PRR12: variants seen among roughly 807,000 people sequenced by gnomAD.
PRR12 encodes the protein proline rich 12.
In PRR12, 12 loss-of-function variants were observed where a neutral mutation model predicts 138.0. The ratio of observed to expected loss-of-function variants is 0.09; its 90% CI spans 0.06 to 0.14. PRR12 has a LOEUF of 0.14. Among genes scored for constraint, PRR12 ranks in the 10% least tolerant of loss-of-function variants. PRR12 has a pLI of 1.00. For synonymous variants in PRR12, 1,567 were observed against 1,291.7 expected (o/e 1.21, Z -4.57); for missense variants, 2,692 against 2,861.3 (o/e 0.94, Z 1.35).
chr19:49,604,942 C>G (rs1268235687), intron 6 of PRR12, among the ~76,000 whole-genome samples: 1 of 152,034 alleles, frequency 6.6e-6, no homozygotes, highest in African/African-American at 2.4e-5. Context: ...ACTTCTACCT[C>G]CCTGGTTCAA....
At chr19:49,606,614 C>G (rs554202009) in intron 6 of PRR12, among the ~76,000 whole-genome samples, 1 of 151,456 alleles carries the variant, frequency 6.6e-6, no homozygotes, top group East Asian at 1.9e-4. Context: ...GCCACTGTGC[C>G]CAGCCCATTT....
In PRR12 at chr19:49,596,455, G is replaced by A. The variant is rs756019654; in HGVS notation, c.2120G>A (p.Ser707Asn). 4.3e-6 allele frequency: 7 copies of A among 1,611,168 alleles called. No homozygotes were observed. In the South Asian group the frequency reaches 5.5e-5, roughly 13 times the overall value. Residue 707 changes from serine to asparagine, a missense_variant, in exon 4 of 14, where the codon AGT becomes AAT. By Grantham distance (46) the Ser-to-Asn change is conservative (BLOSUM62 1). Coordinates refer to ENST00000418929, the MANE Select transcript of PRR12 (RefSeq NM_020719.3). This position sits in a 1 kb window ranked among gnomAD's most constrained non-coding sequence, Gnocchi z 5.6. ...CACCTGCAGAGTGTCATCCGCACCAGTGCCAGCCTGGATGAGGGTGCCACT... is the reference window on the plus strand; with the variant it reads ...CACCTGCAGAGTGTCATCCGCACCAATGCCAGCCTGGATGAGGGTGCCACT... ...RYHLQSVIRT[S>N]ASLDEGATAA...
At chr19:49,611,526 T>A (rs2080865766) in intron 6 of PRR12, among the ~76,000 whole-genome samples, 1 of 151,134 alleles carries the variant, frequency 6.6e-6, no homozygotes, top group African/African-American at 2.4e-5. Context: ...TAATCCCAGC[T>A]ACTTGGGAGG....
Position 49,599,533 on chromosome 19 carries a change from C to T in PRR12, c.3940C>T (p.Pro1314Ser). The change falls in exon 5 of 14, where the codon CCA becomes TCA. Residue 1314 changes from proline (P) to serine (S), a missense_variant. Pro to Ser is a moderately conservative substitution (Grantham distance 74). Transcript: ENST00000418929. The surrounding 1 kb of genome is among the most constrained non-coding windows in gnomAD (Gnocchi z 5.0). ...TCCGCTCAGCCCTCCCAAGAGTGTGCCACCCTCTGTGCCAGCCCGAGGCCT... is the reference window on the plus strand; with the variant it reads ...TCCGCTCAGCCCTCCCAAGAGTGTGTCACCCTCTGTGCCAGCCCGAGGCCT... ...TPPLSPPKSV[P>S]PSVPARGLQP... 1 of 1,596,136 alleles carries T rather than the reference C, an allele frequency of 6.3e-7. No homozygotes were observed. The highest frequency in any genetic ancestry group is 8.5e-7 in the Non-Finnish European group (1 of 1,171,982).
chr19:49,625,318 C>A lies in PRR12; in HGVS notation c.5964+118C>A. ...CTCAGACCCAAGAGTTCAGGTCCTT[C>A]TGTCTTGGACTTAAGAATGCAGCCC... On this transcript the variant is annotated intron_variant, in intron 13 of 13. Coordinates refer to ENST00000418929, the MANE Select transcript of PRR12 (RefSeq NM_020719.3). This position sits in a 1 kb window ranked among gnomAD's most constrained non-coding sequence, Gnocchi z 5.5. The A allele has an allele frequency of 6.9e-7, 1 of 1,439,884 alleles. No homozygotes were observed. The highest frequency in any genetic ancestry group is 9.5e-7 in the Non-Finnish European group (1 of 1,049,798). The allele number at this position is 1,439,884 out of a possible 1,614,324, so 89.2% of individuals were successfully genotyped here.
rs1419667620 is a variant in PRR12 at position 49,599,374 on chromosome 19, GAGA to G, written c.3785_3787del (p.Lys1262del). 1.2e-6 allele frequency: 2 copies of G among 1,612,856 alleles called. No homozygotes were observed. The highest frequency in any genetic ancestry group is 1.7e-6 in the Non-Finnish European group (2 of 1,179,664). On this transcript the variant is annotated inframe_deletion, in exon 5 of 14. Transcript: ENST00000418929. This position sits in a 1 kb window ranked among gnomAD's most constrained non-coding sequence, Gnocchi z 5.0. Reference sequence around the variant, plus strand: ...CAGCCTGGACTCGAGCCTGACTCGGGAGAAGATCGAGGCCAAGATTAAGGAGGT... The same window carrying G: ...CAGCCTGGACTCGAGCCTGACTCGGGAGATCGAGGCCAAGATTAAGGAGGT...
chr19:49,609,102 T>G (rs1025489875), intron 6 of PRR12, among the ~76,000 whole-genome samples: 9 of 152,110 alleles, frequency 5.9e-5, no homozygotes, highest in African/African-American at 2.2e-4. Flanking sequence ...TCGCTTGCGC[T>G]CAGGAGTTCA....
intron 6 of PRR12, among the ~76,000 whole-genome samples, chr19:49,603,698 GA>G (rs1287981786): frequency 6.6e-6 from 1 of 151,592 alleles, no homozygotes; most frequent in Non-Finnish European, 1.5e-5. Flanking sequence ...ACTCCATCTC[GA>G]AAAAATAATA....
rs1381400953 is a variant in PRR12, at chr19:49,595,136, C to T, written c.801C>T (p.Asn267=). The T allele has an allele frequency of 1.2e-6, 2 of 1,611,820 alleles. No individual in the cohort carries two copies. The highest frequency in any genetic ancestry group is 1.3e-5 in the African/African-American group (1 of 74,910). Residue 267 remains asparagine (N), a synonymous_variant, in exon 4 of 14, where the codon AAC becomes AAT. Transcript: ENST00000418929. ...AGCAGTCCTCCCCACAGCTCTATAA[C>T]TTCTCGGGTGCTGCCCCGGGCCCAC... ...AAEQSSPQLY[N]FSGAAPGPPP...
intron 6 of PRR12, among the ~76,000 whole-genome samples, chr19:49,613,532 C>A (rs1460187980): frequency 6.6e-6 from 1 of 152,210 alleles, no homozygotes; most frequent in Non-Finnish European, 1.5e-5. Context: ...GGGGCACACA[C>A]AAACTGCAGG....
At chr19:49,619,202 G>A (rs376444732) in intron 9 of PRR12, among the ~76,000 whole-genome samples, 6 of 150,206 alleles carry the variant, frequency 4.0e-5, no homozygotes, top group African/African-American at 1.2e-4. Flanking sequence ...TTGAACAAGG[G>A]TGAGTCTGAT....
In PRR12 at chr19:49,614,906, C is replaced by T. The variant is rs780519462; in HGVS notation, c.4921C>T (p.Arg1641Trp). Reference protein sequence around the residue: ...YLGYFGDAKNRYQRLYVKFLE... With the variant: ...YLGYFGDAKNWYQRLYVKFLE... ...GGGGTATTTTGGGGATGCAAAAAAT[C>T]GGTACCAGCGCCTCTATGTAAAGTT... Residue 1641 changes from arginine to tryptophan, a missense_variant, in exon 8 of 14, where the codon CGG becomes TGG. Coordinates refer to ENST00000418929, the MANE Select transcript of PRR12 (RefSeq NM_020719.3). This position sits in a 1 kb window ranked among gnomAD's most constrained non-coding sequence, Gnocchi z 5.0. The T allele has an allele frequency of 3.7e-6, 6 of 1,613,818 alleles. No individual in the cohort carries two copies. Among genetic ancestry groups the T allele is most frequent in the Non-Finnish European group, 4.2e-6 (5 of 1,179,880 alleles).
chr19:49,609,467 G>T (rs1245053443), intron 6 of PRR12, among the ~76,000 whole-genome samples: 7 of 152,016 alleles, frequency 4.6e-5, no homozygotes, highest in Non-Finnish European at 7.4e-5. Flanking sequence ...CGGACATGGT[G>T]GCGGGTCCCT....
At chr19:49,624,380 C>G (rs939649009) in intron 11 of PRR12, among the ~76,000 whole-genome samples, 3 of 147,188 alleles carry the variant, frequency 2.0e-5, no homozygotes, top group Non-Finnish European at 3.0e-5. Flanking sequence ...TAGGATGGGG[C>G]TGAGAATTCT....
At chr19:49,606,174 T>A (rs1215070680) in intron 6 of PRR12, among the ~76,000 whole-genome samples, 1 of 152,048 alleles carries the variant, frequency 6.6e-6, no homozygotes, top group Non-Finnish European at 1.5e-5. Flanking sequence ...CAAATTTTTT[T>A]ATTCCTTAAG....
Position 49,594,660 on chromosome 19 carries a change from G to C in PRR12, c.362-37G>C, listed in dbSNP as rs765830134. The C allele has an allele frequency of 1.2e-6, 2 of 1,610,032 alleles. No individual in the cohort carries two copies. The highest frequency in any genetic ancestry group is 1.7e-6 in the Non-Finnish European group (2 of 1,179,406). On this transcript the variant is annotated intron_variant, in intron 3 of 13. Transcript: ENST00000418929. This position sits in a 1 kb window ranked among gnomAD's most constrained non-coding sequence, Gnocchi z 5.6. ...TGCAGGGCCAGGGTGGGACTGGCTC[G>C]CTGTTCTCTCTGACGCGCGGTCTTC... is the stretch of plus-strand genomic sequence containing the variant.
At chr19:49,598,559 C>T (rs574731906) in intron 4 of PRR12, among the ~76,000 whole-genome samples, 4 of 152,140 alleles carry the variant, frequency 2.6e-5, no homozygotes, top group Non-Finnish European at 5.9e-5. Flanking sequence ...GTGGTTCATG[C>T]CTGTAATCCC....
rs1489033554 is a variant in PRR12 at position 49,615,740 on chromosome 19, C to T, written c.5025-7C>T. On this transcript the variant is annotated splice_region_variant and splice_polypyrimidine_tract_variant and intron_variant, in intron 8 of 13. Coordinates refer to ENST00000418929, the MANE Select transcript of PRR12 (RefSeq NM_020719.3). ...CTGACTACAGTCCCTTCTCTGTTCC[C>T]TTCTAGACGCTCTGGGCAGGCCAAG... 2 of 1,610,544 alleles carry T rather than the reference C, an allele frequency of 1.2e-6. No individual in the cohort carries two copies. Among genetic ancestry groups the T allele is most frequent in the African/African-American group, 2.7e-5 (2 of 74,764 alleles).
chr19:49,625,751 G>T lies in PRR12; in HGVS notation c.*144G>T, dbSNP rs1202524843. The T allele has an allele frequency of 4.3e-6, 5 of 1,155,398 alleles. No homozygotes were observed. The highest frequency in any genetic ancestry group is 1.1e-6 in the Non-Finnish European group (1 of 873,290). The allele number at this position is 1,155,398 out of a possible 1,614,324, so 71.6% of individuals were successfully genotyped here. On this transcript the variant is annotated 3_prime_UTR_variant, in exon 14 of 14. Coordinates refer to ENST00000418929, the MANE Select transcript of PRR12 (RefSeq NM_020719.3). This position sits in a 1 kb window ranked among gnomAD's most constrained non-coding sequence, Gnocchi z 5.5. Reference sequence around the variant, plus strand: ...GTGTGTCTGTGCTGCCCCCTCCAGGGCAGGGTTCAAAGTCCGACTCCCCCC... The same window carrying T: ...GTGTGTCTGTGCTGCCCCCTCCAGGTCAGGGTTCAAAGTCCGACTCCCCCC...
Sources: gnomAD v4.1 joint callset for allele counts (sites outside exome capture counted in the v4.1 genomes callset) on GRCh38, gnomAD v4.1.1 for gene constraint, Gnocchi (gnomAD v3.1) non-coding constraint, MANE v1.5 for transcripts, NCBI Gene and HGNC (gene_info 2026-07-23, HGNC 2026-07-21) for gene names.